The following CAND2 variants were observed in gnomAD, a reference collection of about 807,000 sequenced individuals.
CAND2 encodes the protein cullin associated and neddylation dissociated 2 (putative).
CAND2 carries 62 observed loss-of-function variants against 98.9 expected under a neutral mutation model. The observed-to-expected ratio is 0.63, with a 90% confidence interval of 0.51 to 0.77. The LOEUF (loss-of-function observed/expected upper bound fraction) is 0.77, where lower values mean the gene tolerates loss of function less well. Among genes scored for constraint, CAND2 ranks in the 30% least tolerant of loss-of-function variants. The pLI is 0.00. For synonymous variants in CAND2, 770 were observed against 731.9 expected (o/e 1.05, Z -0.84); for missense variants, 1,501 against 1,655.2 (o/e 0.91, Z 1.62).
At chr3:12,811,630 G>C (rs2061852486) in intron 5 of CAND2, among the ~76,000 whole-genome samples, 1 of 152,282 alleles carries the variant, frequency 6.6e-6, no homozygotes, top group East Asian at 1.9e-4. Flanking sequence ...GGAGTGCAAT[G>C]GTGCAGTCTC....
At chr3:12,810,812 A>G (rs886477856) in intron 5 of CAND2, among the ~76,000 whole-genome samples, 5 of 152,250 alleles carry the variant, frequency 3.3e-5, no homozygotes, top group African/African-American at 7.2e-5. Flanking sequence ...AAACCGCACT[A>G]TTTAAAGTGT....
At chr3:12,798,040 C>G (rs574951371) in intron 1 of CAND2, among the ~76,000 whole-genome samples, 3 of 152,166 alleles carry the variant, frequency 2.0e-5, no homozygotes. Flanking sequence ...AGTAACTTAA[C>G]CCCCATGAGT....
In CAND2 at chr3:12,831,555, G is replaced by GC. The variant is rs1559560762; in HGVS notation, c.3468dup (p.Thr1157HisfsTer16). 1 of 1,612,788 alleles carries GC rather than the reference G, an allele frequency of 6.2e-7. No individual in the cohort carries two copies. ...GGACCGACTCATTGAGCCACTAAGG[G>GC]CCACCTGCACTGCCAAGGTAAGTCC... is the stretch of plus-strand genomic sequence containing the variant. On this transcript the variant is annotated frameshift_variant, in exon 14 of 15. Transcript: ENST00000456430. LOFTEE classifies it high-confidence loss of function.
chr3:12,798,845 G>C (rs1011043546), intron 1 of CAND2, among the ~76,000 whole-genome samples: 1 of 152,182 alleles, frequency 6.6e-6, no homozygotes, highest in Non-Finnish European at 1.5e-5. Flanking sequence ...CGTCCGTGTG[G>C]CCAAGGGTTT....
In CAND2 at chr3:12,834,676, G is replaced by A. The variant is rs1201836942; in HGVS notation, c.*694G>A. On this transcript the variant is annotated 3_prime_UTR_variant, in exon 15 of 15. Transcript: ENST00000456430. ...TGCCACCACCCAGGCATAACCAGTT[G>A]GTTTGTTTCCTTCTGAGGAAGGTTT... 6.6e-6 allele frequency: 1 copy of A among 152,310 alleles called. No homozygotes were observed. Among genetic ancestry groups the A allele is most frequent in the Non-Finnish European group, 1.5e-5 (1 of 68,170 alleles). 9.4% of individuals were successfully genotyped at this position (152,310 alleles called of 1,614,324 possible).
At chr3:12,800,627 A>G (rs1024936781) in intron 1 of CAND2, among the ~76,000 whole-genome samples, 12 of 152,208 alleles carry the variant, frequency 7.9e-5, no homozygotes, top group African/African-American at 2.6e-4. Flanking sequence ...GGCAGCCACA[A>G]CCTGATTCTA....
Position 12,815,454 on chromosome 3 carries a change from AC to A in CAND2, c.1299+25del. The A allele has an allele frequency of 6.3e-7, 1 of 1,582,720 alleles. No individual in the cohort carries two copies. The highest frequency in any genetic ancestry group is 8.6e-7 in the Non-Finnish European group (1 of 1,161,534). ...GACAGGTGGGCGTGCCTTCACCTCC[AC>A]CCCTACCCCCGATTTGCCTACCCAG... On this transcript the variant is annotated intron_variant, in intron 8 of 14. Transcript: ENST00000456430. The surrounding 1 kb of genome is among the most constrained non-coding windows in gnomAD (Gnocchi z 5.7).
At chr3:12,800,738 T>G (rs917379587) in intron 1 of CAND2, among the ~76,000 whole-genome samples, 7 of 148,886 alleles carry the variant, frequency 4.7e-5, no homozygotes, top group Middle Eastern at 3.4e-3. Context: ...TTTGTTTTTG[T>G]TTTTTTTTGA....
At chr3:12,814,699 T>C (rs2061882161) in intron 7 of CAND2, among the ~76,000 whole-genome samples, 3 of 152,102 alleles carry the variant, frequency 2.0e-5, no homozygotes, top group African/African-American at 7.2e-5. Flanking sequence ...AAGATGAGTT[T>C]TGTGCCCCAA....
intron 14 of CAND2, among the ~76,000 whole-genome samples, chr3:12,833,064 G>T (rs1054894662): frequency 2.0e-5 from 3 of 152,266 alleles, no homozygotes; most frequent in South Asian, 4.1e-4. Flanking sequence ...ACAGCTCTTG[G>T]GGGCAGAGCC....
At chr3:12,825,174 C>T (rs1254920658) in intron 11 of CAND2, among the ~76,000 whole-genome samples, 1 of 151,558 alleles carries the variant, frequency 6.6e-6, no homozygotes, top group Non-Finnish European at 1.5e-5. Flanking sequence ...AAAGACAGTC[C>T]CATAGCATAG....
chr3:12,824,453 G>A (rs115072187), intron 11 of CAND2, among the ~76,000 whole-genome samples: 278 of 152,270 alleles, frequency 1.8e-3, no homozygotes, highest in African/African-American at 6.1e-3. Context: ...GACGAGAGGC[G>A]GGGCTTAACA....
rs947174333 is a variant in CAND2, at chr3:12,810,359, G to T, written c.757+35G>T. On this transcript the variant is annotated intron_variant, in intron 5 of 14. Transcript: ENST00000456430. ...CAGGGGGCGGGGCCTGGGCTGGCAT[G>T]GTGGGCGGAGCTTAGGGTGAGCCAA... 9.3e-6 allele frequency: 13 copies of T among 1,401,812 alleles called. No homozygotes were observed. In the Admixed American group the frequency reaches 2.8e-4, roughly 30 times the overall value. The allele number at this position is 1,401,812 out of a possible 1,614,324, so 86.8% of individuals were successfully genotyped here.
intron 2 of CAND2, among the ~76,000 whole-genome samples, chr3:12,804,788 C>G (rs907767993): frequency 5.9e-5 from 9 of 152,156 alleles, no homozygotes. Flanking sequence ...TCTCAAACCA[C>G]TGTCTGTGAG....
chr3:12,813,172 G>A (rs1164666696), intron 6 of CAND2, 74 bp from the exon 7 acceptor site: 3 of 1,585,866 alleles, frequency 1.9e-6, no homozygotes, highest in Non-Finnish European at 2.6e-6. Context: ...AAAATTTCAG[G>A]ACTCCCATTG....
rs1463814990 is a variant in CAND2, at chr3:12,815,886, C to T, written c.1319C>T (p.Ala440Val). 1 of 1,613,712 alleles carries T rather than the reference C, an allele frequency of 6.2e-7. No homozygotes were observed. The highest frequency in any genetic ancestry group is 2.2e-5 in the East Asian group (1 of 44,880). ...LRGQVPLVVK[A>V]LQRQLKDRSV... ...CCACAGGTGCCCCTTGTGGTCAAGG[C>T]CCTGCAGCGGCAGCTTAAAGATCGG... The change falls in exon 9 of 15, where the codon GCC becomes GTC. Residue 440 changes from alanine to valine, a missense_variant. Ala to Val is a moderately conservative substitution (Grantham distance 64). Coordinates refer to ENST00000456430, the MANE Select transcript of CAND2 (RefSeq NM_001162499.2). The surrounding 1 kb of genome is among the most constrained non-coding windows in gnomAD (Gnocchi z 5.7).
chr3:12,813,314 A>G lies in CAND2; in HGVS notation c.932A>G (p.Asp311Gly). The G allele has an allele frequency of 1.2e-6, 2 of 1,614,044 alleles. No individual in the cohort carries two copies. Among genetic ancestry groups the G allele is most frequent in the Non-Finnish European group, 1.7e-6 (2 of 1,180,020 alleles). The change falls in exon 7 of 15, where the codon GAC becomes GGC. Residue 311 changes from aspartate (D) to glycine (G), a missense_variant. This residue lies in a region of CAND2 where 1,427 missense variants were observed against 1,545.3 expected (regional missense o/e 0.92). Coordinates refer to ENST00000456430, the MANE Select transcript of CAND2 (RefSeq NM_001162499.2). ...TSLCLQYIKH[D>G]PNYNYDSDED... is the part of the protein sequence containing the mutation. ...CTCTGCCTCCAATACATAAAACACG[A>G]CCCCAACTACAACTACGACAGTGAT... is the stretch of plus-strand genomic sequence containing the variant.
At chr3:12,801,043 T>A (rs1434618650) in intron 1 of CAND2, among the ~76,000 whole-genome samples, 3,803 of 144,098 alleles carry the variant, frequency 0.026, 97 homozygotes, top group African/African-American at 0.061. Flanking sequence ...TATTTTTTTT[T>A]TTTTTTTTTT....
intron 4 of CAND2, among the ~76,000 whole-genome samples, chr3:12,809,203 G>A (rs910782582): frequency 2.6e-5 from 4 of 151,988 alleles, no homozygotes; most frequent in African/African-American, 9.7e-5. Flanking sequence ...CTGTGATGGG[G>A]TGCACTCCGG....
Sources: allele counts gnomAD v4.1 joint callset (sites outside exome capture counted in the v4.1 genomes callset), GRCh38; gene constraint gnomAD v4.1.1; regional missense constraint gnomAD v4.1.1; non-coding constraint Gnocchi (gnomAD v3.1); transcripts MANE v1.5; gene names NCBI Gene and HGNC (gene_info 2026-07-23, HGNC 2026-07-21).